PRKCSH: variants seen among roughly 807,000 people sequenced by gnomAD.
The protein encoded by PRKCSH is glucosidase 2 subunit beta.
Under a neutral mutation model 79.7 loss-of-function variants are expected in PRKCSH, and 42 were observed. The observed-to-expected ratio is 0.53, with a 90% CI of 0.41 to 0.68. The LOEUF is 0.68. Ranked by LOEUF, PRKCSH falls within the 30% of genes least tolerant of loss-of-function variation. PRKCSH has a pLI of 0.00. For missense variants in PRKCSH, 686 were observed against 709.0 expected (o/e 0.97, Z 0.37); for synonymous variants, 325 against 288.2 (o/e 1.13, Z -1.29).
Position 11,446,289 on chromosome 19 carries a change from T to C in PRKCSH, c.701T>C (p.Leu234Pro), listed in dbSNP as rs773933914. 4 of 1,613,634 alleles carry C rather than the reference T, an allele frequency of 2.5e-6. No homozygotes were observed. The highest frequency in any genetic ancestry group is 3.4e-6 in the Non-Finnish European group (4 of 1,179,752). The change falls in exon 9 of 18, where the codon CTG (leucine) becomes CCG (proline). Residue 234 changes from leucine (L) to proline (P), a missense_variant. By Grantham distance (98) the Leu-to-Pro change is moderately conservative (BLOSUM62 -3). Coordinates refer to ENST00000677123, the MANE Select transcript of PRKCSH (RefSeq NM_001289104.2). ...DMDGTVSVTE[L>P]QTHPELDTDG... ...CCCCGCAGGGTCTCGGTGACTGAGC[T>C]GCAGACTCACCCGGAGCTGGACACA...
At position 11,442,514 on chromosome 19, in the gene PRKCSH, A is replaced by T. The variant is rs1970109117; in HGVS notation, c.597A>T (p.Glu199Asp). 8 of 1,610,134 alleles carry T rather than the reference A, an allele frequency of 5.0e-6. No homozygotes were observed. The highest frequency in any genetic ancestry group is 6.8e-6 in the Non-Finnish European group (8 of 1,178,652). Residue 199 changes from glutamate (E) to aspartate (D), a missense_variant and splice_region_variant, in exon 7 of 18, where the codon GAA becomes GAT. Physicochemically the swap from Glu to Asp is conservative, Grantham distance 45 (BLOSUM62 2). Transcript: ENST00000677123. The stretch of plus-strand genomic sequence containing the variant: ...AAGAGCAGCACCAGAAGCTGTGGGA[A>T]GGTATGGCAGAAATGGCCAAGGACT... ...EAKEQHQKLW[E>D]EQLAAAKAQQ...
chr19:11,442,169 C>T (rs896673389), intron 6 of PRKCSH, among the ~76,000 whole-genome samples: 85 of 152,284 alleles, frequency 5.6e-4, no homozygotes, highest in African/African-American at 1.9e-3. Flanking sequence ...GAGAATCAGG[C>T]AGGGGCCTGA....
chr19:11,437,997 G>A lies in PRKCSH; in HGVS notation c.292+26G>A, dbSNP rs774797803. 4 of 1,613,752 alleles carry A rather than the reference G, an allele frequency of 2.5e-6. No individual in the cohort carries two copies. The South Asian group carries it at 4.4e-5, about 18-fold the overall frequency. On this transcript the variant is annotated intron_variant, in intron 4 of 17. Transcript: ENST00000677123. ...GTAAGTGAAGATGCACCAGGATTCT[G>A]GAAAGGTGGTAGAGGGAGGGAGGGA...
At chr19:11,446,083 T>G (rs1297842352) in intron 8 of PRKCSH, among the ~76,000 whole-genome samples, 189 bp from the exon 9 acceptor site, 1 of 151,936 alleles carries the variant, frequency 6.6e-6, no homozygotes, top group Non-Finnish European at 1.5e-5. Context: ...ACCCCTTACT[T>G]TGAGCTCCTT....
At position 11,447,287 on chromosome 19, in the gene PRKCSH, C is replaced by A. The variant is rs1318361113; in HGVS notation, c.849+127C>A. 45 of 1,347,218 alleles carry A rather than the reference C, an allele frequency of 3.3e-5. No individual in the cohort carries two copies. The highest frequency in any genetic ancestry group is 4.9e-5 in the South Asian group (4 of 80,878). The allele number at this position is 1,347,218 out of a possible 1,614,324, so 83.5% of individuals were successfully genotyped here. Reference sequence around the variant, plus strand: ...CCAGCTGGGTGGCCCCAGCACCCCCCACCGAGACCCCCCGACCCCAGCTGT... The same window carrying A: ...CCAGCTGGGTGGCCCCAGCACCCCCAACCGAGACCCCCCGACCCCAGCTGT... On this transcript the variant is annotated intron_variant, in intron 10 of 17. Transcript: ENST00000677123. This position sits in a 1 kb window ranked among gnomAD's most constrained non-coding sequence, Gnocchi z 5.6.
intron 5 of PRKCSH, among the ~76,000 whole-genome samples, chr19:11,438,381 C>A (rs559417438): frequency 6.6e-6 from 1 of 152,082 alleles, no homozygotes; most frequent in African/African-American, 2.4e-5. Context: ...ATAGCAGAGC[C>A]GGCACTTGGA....
intron 8 of PRKCSH, 98 bp from the exon 9 acceptor site, chr19:11,446,173 TG>T: frequency 7.5e-7 from 1 of 1,327,112 alleles, no homozygotes; most frequent in Non-Finnish European, 1.1e-6. Flanking sequence ...AGTTCCAGGG[TG>T]GGGCCCTGCA....
Position 11,447,573 on chromosome 19 carries a change from AGAGGAGGAG to A in PRKCSH, c.993_1001del (p.Glu331_Glu333del). On this transcript the variant is annotated inframe_deletion, in exon 11 of 18. Transcript: ENST00000677123. The surrounding 1 kb of genome is among the most constrained non-coding windows in gnomAD (Gnocchi z 5.6). ...AGGAGGAGGAAGAAGAGGCTGAAGA[AGAGGAGGAG>A]GAGGAGGATTCCGAGGTGCAGGGGG... The A allele has an allele frequency of 6.4e-7, 1 of 1,570,730 alleles. No individual in the cohort carries two copies.
At chr19:11,436,315 G>T in intron 2 of PRKCSH, 74 bp from the exon 3 acceptor site, 1 of 1,575,026 alleles carries the variant, frequency 6.3e-7, no homozygotes, top group Non-Finnish European at 8.7e-7. Flanking sequence ...CGCTGGTGGG[G>T]ATGGGAGGAC....
rs1381565714 is a variant in PRKCSH at position 11,447,175 on chromosome 19, A to G, written c.849+15A>G. 6.2e-7 allele frequency: 1 copy of G among 1,612,586 alleles called. No homozygotes were observed. The highest frequency in any genetic ancestry group is 1.3e-5 in the African/African-American group (1 of 74,850). On this transcript the variant is annotated intron_variant, in intron 10 of 17. Coordinates refer to ENST00000677123, the MANE Select transcript of PRKCSH (RefSeq NM_001289104.2). The surrounding 1 kb of genome is among the most constrained non-coding windows in gnomAD (Gnocchi z 5.6). ...ACCGGTCCGAGGTCAGTGGAGGAGA[A>G]GGGAGGGGACTTGGTCCTCCCACCA...
chr19:11,449,603 T>A lies in PRKCSH; in HGVS notation c.*16+175T>A. The A allele has an allele frequency of 2.4e-6, 2 of 818,328 alleles. No homozygotes were observed. The highest frequency in any genetic ancestry group is 3.5e-5 in the South Asian group (2 of 57,938). The allele number at this position is 818,328 out of a possible 1,614,324, so 50.7% of individuals were successfully genotyped here. On this transcript the variant is annotated intron_variant, in intron 17 of 17. Coordinates refer to ENST00000677123, the MANE Select transcript of PRKCSH (RefSeq NM_001289104.2). This position sits in a 1 kb window ranked among gnomAD's most constrained non-coding sequence, Gnocchi z 6.4. Reference sequence around the variant, plus strand: ...TTTGGCCCAGGCTGGAGTGCAGTGATGCGACCTCAGCTGACTGCAACCTCT... The same window carrying A: ...TTTGGCCCAGGCTGGAGTGCAGTGAAGCGACCTCAGCTGACTGCAACCTCT...
At chr19:11,446,515 C>A (rs1197816275) in intron 9 of PRKCSH, among the ~76,000 whole-genome samples, 165 bp downstream of exon 9, 1 of 152,016 alleles carries the variant, frequency 6.6e-6, no homozygotes, top group East Asian at 1.9e-4. Context: ...CTGGCAGGAC[C>A]CGGGATGGAG....
intron 6 of PRKCSH, among the ~76,000 whole-genome samples, chr19:11,442,174 G>A (rs1012444691): frequency 1.3e-5 from 2 of 152,196 alleles, no homozygotes; most frequent in Admixed American, 6.5e-5. Context: ...TCAGGCAGGG[G>A]CCTGATTACC....
rs1970495858 is a variant in PRKCSH at position 11,449,574 on chromosome 19, A to G, written c.*16+146A>G. On this transcript the variant is annotated intron_variant, in intron 17 of 17. Transcript: ENST00000677123. The surrounding 1 kb of genome is among the most constrained non-coding windows in gnomAD (Gnocchi z 6.4). ...TTTTGTTTTTTTGAGGTGGAGTCTC[A>G]CTCTTTGGCCCAGGCTGGAGTGCAG... 2 of 1,114,144 alleles carry G rather than the reference A, an allele frequency of 1.8e-6. No individual in the cohort carries two copies. Among genetic ancestry groups the G allele is most frequent in the Non-Finnish European group, 2.6e-6 (2 of 783,144 alleles). 69.0% of individuals were successfully genotyped at this position (1,114,144 alleles called of 1,614,324 possible).
chr19:11,449,163 C>T lies in PRKCSH; in HGVS notation c.1449C>T (p.Asn483=), dbSNP rs1568371137. The part of the protein sequence containing the change: ...EQGTGCWQGP[N]RSTTVRLLCG... ...GCACGGGCTGCTGGCAGGGCCCCAA[C>T]CGCTCCACCACCGTGAGTGCCTGCA... Residue 483 remains asparagine, a synonymous_variant, in exon 16 of 18, where the codon AAC becomes AAT. Coordinates refer to ENST00000677123, the MANE Select transcript of PRKCSH (RefSeq NM_001289104.2). The surrounding 1 kb of genome is among the most constrained non-coding windows in gnomAD (Gnocchi z 6.4). The T allele has an allele frequency of 4.3e-6, 7 of 1,613,766 alleles. No individual in the cohort carries two copies. Among genetic ancestry groups the T allele is most frequent in the East Asian group, 2.2e-5 (1 of 44,888 alleles).
rs1970487798 is a variant in PRKCSH at position 11,449,466 on chromosome 19, C to G, written c.*16+38C>G. On this transcript the variant is annotated intron_variant, in intron 17 of 17. Transcript: ENST00000677123. The surrounding 1 kb of genome is among the most constrained non-coding windows in gnomAD (Gnocchi z 6.4). ...GTGGAGTCTCGTCGGCCTGCCCCAG[C>G]AAGGGGAGGCGGCGGGCCCTGAGGA... 8 of 1,611,740 alleles carry G rather than the reference C, an allele frequency of 5.0e-6. No individual in the cohort carries two copies. Among genetic ancestry groups the G allele is most frequent in the Non-Finnish European group, 5.9e-6 (7 of 1,179,338 alleles).
Position 11,448,669 on chromosome 19 carries a change from G to T in PRKCSH, c.1286+40G>T. The T allele has an allele frequency of 6.3e-7, 1 of 1,580,358 alleles. No homozygotes were observed. The highest frequency in any genetic ancestry group is 8.7e-7 in the Non-Finnish European group (1 of 1,149,666). ...TGCAGGGGCCCCCACTGGCAGGGTG[G>T]GAGGCGGGTGGCCCCGGAAGTGGCA... On this transcript the variant is annotated intron_variant, in intron 14 of 17. Transcript: ENST00000677123. The surrounding 1 kb of genome is among the most constrained non-coding windows in gnomAD (Gnocchi z 4.4).
rs752444824 is a variant in PRKCSH at position 11,448,915 on chromosome 19, T to TA, written c.1289dup (p.Tyr430Ter). Residue 430 changes from tyrosine (Y) to a stop codon, truncating the protein, a stop_gained and frameshift_variant and splice_region_variant, in exon 15 of 18, where the codon TAC becomes TAAC. Coordinates refer to ENST00000677123, the MANE Select transcript of PRKCSH (RefSeq NM_001289104.2). LOFTEE classifies it high-confidence loss of function. The surrounding 1 kb of genome is among the most constrained non-coding windows in gnomAD (Gnocchi z 4.4). Reference protein sequence around the residue: ...SQCYELTTNEYVYRLCPFKLV... With the variant: ...SQCYELTTNE The stretch of plus-strand genomic sequence containing the variant: ...CCCATATGTCCCGGTCCTCCACAGA[T>TA]ACGTCTACCGCCTCTGCCCCTTCAA... The TA allele has an allele frequency of 1.9e-6, 3 of 1,614,148 alleles. No individual in the cohort carries two copies. Among genetic ancestry groups the TA allele is most frequent in the South Asian group, 1.1e-5 (1 of 91,086 alleles).
chr19:11,449,206 C>T lies in PRKCSH; in HGVS notation c.1461+31C>T, dbSNP rs201847657. The T allele has an allele frequency of 5.0e-4, 803 of 1,613,576 alleles. No individual in the cohort carries two copies. Among genetic ancestry groups the T allele is most frequent in the Non-Finnish European group, 6.4e-4 (753 of 1,179,948 alleles). ...TGCCTGCAAGGCAGGGGAGCTGGGG[C>T]GGGGAGACCCAGGCCTGGCCCAGCC... is the stretch of plus-strand genomic sequence containing the variant. On this transcript the variant is annotated intron_variant, in intron 16 of 17. Coordinates refer to ENST00000677123, the MANE Select transcript of PRKCSH (RefSeq NM_001289104.2). The surrounding 1 kb of genome is among the most constrained non-coding windows in gnomAD (Gnocchi z 6.4).
Sources: gnomAD v4.1 joint callset for allele counts (sites outside exome capture counted in the v4.1 genomes callset) on GRCh38, gnomAD v4.1.1 for gene constraint, Gnocchi (gnomAD v3.1) non-coding constraint, MANE v1.5 for transcripts, NCBI Gene and HGNC (gene_info 2026-07-23, HGNC 2026-07-21) for gene names.